Variants in PPP2R5C observed in about 807,000 individuals in gnomAD.
PPP2R5C encodes serine/threonine-protein phosphatase 2A 56 kDa regulatory subunit gamma isoform.
In PPP2R5C, 7 loss-of-function variants were observed where a neutral mutation model predicts 68.9. That is an observed-to-expected ratio of 0.10 (90% CI 0.06 to 0.19). The LOEUF (loss-of-function observed/expected upper bound fraction) is 0.19, where lower values mean the gene tolerates loss of function less well. Ranked by LOEUF, PPP2R5C falls within the 10% of genes least tolerant of loss-of-function variation. The pLI is 1.00. For synonymous variants in PPP2R5C, 210 were observed against 222.2 expected, an observed-to-expected ratio of 0.95 and a Z score of 0.49; for missense variants, 348 against 641.3, an observed-to-expected ratio of 0.54 and a Z score of 4.94.
intron 1 of PPP2R5C, among the ~76,000 whole-genome samples, chr14:101,856,376 A>G (rs997921639): frequency 1.9e-4 from 29 of 152,150 alleles, no homozygotes; most frequent in Admixed American, 1.8e-3. Flanking sequence ...GCCTGTGATC[A>G]TTGCTGCTCA....
chr14:101,789,535 T>C (rs1387257309), intron 3 of PPP2R5C: 2 of 152,274 alleles, frequency 1.3e-5, no homozygotes, highest in East Asian at 1.9e-4. Flanking sequence ...TTTTGAAATA[T>C]CTTTGCATTT....
intron 1 of PPP2R5C, among the ~76,000 whole-genome samples, chr14:101,834,042 C>T (rs1286504995): frequency 6.6e-6 from 1 of 152,202 alleles, no homozygotes; most frequent in African/African-American, 2.4e-5. Flanking sequence ...CTCCTGACCT[C>T]AAGTGATCCA....
chr14:101,809,725 T>C (rs1212170895), upstream of PPP2R5C: 1 of 1,007,442 alleles, frequency 9.9e-7, no homozygotes, highest in East Asian at 3.3e-5. Flanking sequence ...TAAGGCACAC[T>C]GACAGCCAAA....
chr14:101,785,894 T>C (rs1342198030), intron 2 of PPP2R5C, 124 bp from the exon 3 acceptor site: 5 of 831,388 alleles, frequency 6.0e-6, no homozygotes, highest in Non-Finnish European at 8.6e-6. Flanking sequence ...AGGAATGATG[T>C]CTTCCATGGA....
chr14:101,783,937 CCTGT>C (rs1358125027), intron 2 of PPP2R5C, among the ~76,000 whole-genome samples: 1 of 152,204 alleles, frequency 6.6e-6, no homozygotes, highest in Non-Finnish European at 1.5e-5. Flanking sequence ...GGAGCAGAAA[CCTGT>C]CTAACTGGGG....
At chr14:101,925,266 C>T in exon 14 of PPP2R5C, 1 of 1,612,688 alleles carries the variant, frequency 6.2e-7, no homozygotes, top group East Asian at 2.2e-5. Flanking sequence ...CCCAGGACGG[C>T]CGCTAGCCTC....
chr14:101,808,926 A>G (rs1167406357), upstream of PPP2R5C, among the ~76,000 whole-genome samples: 2 of 152,222 alleles, frequency 1.3e-5, no homozygotes, highest in South Asian at 4.1e-4. Context: ...ACTCCATCCA[A>G]TTCAGAAATA....
intron 2 of PPP2R5C, among the ~76,000 whole-genome samples, chr14:101,774,366 T>C (rs2139990463): frequency 6.6e-6 from 1 of 152,296 alleles, no homozygotes; most frequent in East Asian, 1.9e-4. Flanking sequence ...AATCCCTTTT[T>C]CTTGTCATAA....
At position 101,817,044 on chromosome 14, in the gene PPP2R5C, G is replaced by A. The variant is rs572589156; in HGVS notation, c.94+7008G>A. Among the ~76,000 whole-genome samples, 7 of 149,272 alleles carry A rather than the reference G, an allele frequency of 4.7e-5. No homozygotes were observed. In the East Asian group the frequency reaches 5.9e-4, roughly 13 times the overall value. ...GCAATCTCAGCTCACTGCAGCCTCC[G>A]CCTCCTGGGTTCAAGCAATTCCACT... On this transcript the variant is annotated intron_variant, in intron 1 of 13. Transcript: ENST00000334743.
chr14:101,861,704 G>A (rs74879833), intron 2 of PPP2R5C, among the ~76,000 whole-genome samples: 3,887 of 152,250 alleles, frequency 0.026, 89 homozygotes, highest in Non-Finnish European at 0.035. Flanking sequence ...GAGGGAGAGC[G>A]CTTGTGGGAT....
At chr14:101,832,619 T>C (rs1402690204) in intron 1 of PPP2R5C, among the ~76,000 whole-genome samples, 1 of 152,038 alleles carries the variant, frequency 6.6e-6, no homozygotes, top group Non-Finnish European at 1.5e-5. Flanking sequence ...TTACAAGCAG[T>C]GGAGACACAC....
At chr14:101,839,092 C>T (rs1280065276) in intron 1 of PPP2R5C, 2 of 150,082 alleles carry the variant, frequency 1.3e-5, no homozygotes, top group Non-Finnish European at 2.9e-5. Context: ...TGGCTCATGC[C>T]TGTAATCCCA....
At chr14:101,897,765 A>G (rs2045436290) in intron 8 of PPP2R5C, among the ~76,000 whole-genome samples, 2 of 151,832 alleles carry the variant, frequency 1.3e-5, no homozygotes, top group Non-Finnish European at 2.9e-5. Context: ...GTTGACACTG[A>G]GTATTAACTA....
At chr14:101,804,045 C>A (rs771254568) in intron 3 of PPP2R5C, among the ~76,000 whole-genome samples, 3 of 152,024 alleles carry the variant, frequency 2.0e-5, no homozygotes, top group Non-Finnish European at 4.4e-5. Context: ...ACTAATAATC[C>A]GATCACAAGA....
At chr14:101,867,430 T>C (rs1187486528) in intron 2 of PPP2R5C, among the ~76,000 whole-genome samples, 1 of 151,738 alleles carries the variant, frequency 6.6e-6, no homozygotes. Context: ...TTAATAATTA[T>C]GTACCACATT....
exon 14 of PPP2R5C, chr14:101,926,900 G>A (rs1194745690): frequency 3.3e-5 from 5 of 152,062 alleles, no homozygotes; most frequent in Admixed American, 2.0e-4. Context: ...TATGAAATGC[G>A]AAGATTGCCC....
chr14:101,921,937 T>G, intron 13 of PPP2R5C: 1 of 942,910 alleles, frequency 1.1e-6, no homozygotes, highest in Non-Finnish European at 1.3e-6. Flanking sequence ...GTGAATAACA[T>G]TTATATTATA....
rs148511602 is a variant in PPP2R5C, at chr14:101,901,833, A to G, written c.967A>G (p.Ile323Val). The G allele has an allele frequency of 4.3e-6, 7 of 1,614,108 alleles. No individual in the cohort carries two copies. In the African/African-American group the frequency reaches 8.0e-5, roughly 18 times the overall value. The change falls in exon 9 of 14, where the codon ATC becomes GTC. Residue 323 changes from isoleucine to valine, a missense_variant. By Grantham distance (29) the Ile-to-Val change is conservative. Transcript: ENST00000334743. ...CATTGAACCATCAGAATTTGTGAAGATCATGGAACCCCTCTTCCGGCAGTT... is the reference window on the plus strand; with the variant it reads ...CATTGAACCATCAGAATTTGTGAAGGTCATGGAACCCCTCTTCCGGCAGTT...
intron 2 of PPP2R5C, chr14:101,765,034 C>A: frequency 1.6e-6 from 1 of 608,568 alleles, no homozygotes; most frequent in Non-Finnish European, 3.0e-6. Flanking sequence ...TCAAAGATAC[C>A]AAAATCACTA....
Sources: allele counts gnomAD v4.1 joint callset (sites outside exome capture counted in the v4.1 genomes callset), GRCh38; gene constraint gnomAD v4.1.1; transcripts MANE v1.5; gene names NCBI Gene and HGNC (gene_info 2026-07-23, HGNC 2026-07-21).